Variants in TKTL1 observed in about 807,000 individuals in gnomAD.
TKTL1 encodes transketolase like 1.
A neutral mutation model predicts 39.3 loss-of-function variants in TKTL1; 1 was observed. The observed-to-expected ratio is 0.03, with a 90% CI of 0.01 to 0.12. The LOEUF (loss-of-function observed/expected upper bound fraction) is 0.12, where lower values mean the gene tolerates loss of function less well. TKTL1 is among the 10% of genes least tolerant of loss of function. The probability of loss-of-function intolerance (pLI) is 1.00; values close to 1 mark genes in which losing one functional copy is unlikely to be tolerated. For synonymous variants in TKTL1, 262 were observed against 193.8 expected (o/e 1.35, Z -2.92); for missense variants, 575 against 509.6 (o/e 1.13, Z -1.24).
Position 154,329,761 on chromosome X carries a change from C to T in TKTL1, c.*73C>T. The T allele has an allele frequency of 9.0e-7, 1 of 1,105,400 alleles. No homozygotes were observed. Among genetic ancestry groups the T allele is most frequent in the Non-Finnish European group, 1.2e-6 (1 of 813,949 alleles). 91.1% of individuals were successfully genotyped at this position (1,105,400 alleles called of 1,213,427 possible). On this transcript the variant is annotated 3_prime_UTR_variant, in exon 13 of 13. Coordinates refer to ENST00000369915, the MANE Select transcript of TKTL1 (RefSeq NM_012253.4). Reference sequence around the variant, plus strand: ...TTTGTTCCAAAACCATCATTTAAATCTCTACTGTCACATTTTGTTTCTTAA... The same window carrying T: ...TTTGTTCCAAAACCATCATTTAAATTTCTACTGTCACATTTTGTTTCTTAA...
rs990230187 is a variant in TKTL1 at position 154,300,339 on chromosome X, A to G, written c.134+4346A>G. 5.3e-4 allele frequency among the ~76,000 whole-genome samples: 60 copies of G among 112,524 alleles called. 1 individual carries two copies. Among genetic ancestry groups the G allele is most frequent in the Admixed American group, 5.0e-3 (53 of 10,671 alleles). ...GATGGTGTATTTTGATGGGAATTGC[A>G]TTGAATCTGTAGATTGCTTTGGGCA... On this transcript the variant is annotated intron_variant, in intron 1 of 12. Transcript: ENST00000369915.
At chrX:154,308,060 G>C (rs1247279358) in intron 2 of TKTL1, among the ~76,000 whole-genome samples, 1 of 111,908 alleles carries the variant, frequency 8.9e-6, no homozygotes, top group African/African-American at 3.2e-5. Flanking sequence ...ATCTCTGCTC[G>C]AATGGCGCTG....
chrX:154,329,826 G>T lies in TKTL1; in HGVS notation c.*138G>T. ...AACACCTTCATTCATCCCTAGTTCG[G>T]AAATTCAAGCTAACTACTTACCCTT... On this transcript the variant is annotated 3_prime_UTR_variant, in exon 13 of 13. Coordinates refer to ENST00000369915, the MANE Select transcript of TKTL1 (RefSeq NM_012253.4). The T allele has an allele frequency of 1.5e-6, 1 of 687,378 alleles. No homozygotes were observed. The highest frequency in any genetic ancestry group is 3.5e-5 in the East Asian group (1 of 28,891). 56.6% of individuals were successfully genotyped at this position (687,378 alleles called of 1,213,427 possible). A position where few individuals can be genotyped will look rare whatever the true frequency, so the allele number is the denominator to read the frequency against.
intron 7 of TKTL1, among the ~76,000 whole-genome samples, chrX:154,317,215 C>T (rs1361924718): frequency 2.7e-5 from 3 of 112,260 alleles, no homozygotes; most frequent in Non-Finnish European, 5.6e-5. Flanking sequence ...GATATGTTCT[C>T]ACAGTTGGAA....
At chrX:154,316,450 A>G (rs2067400869) in intron 7 of TKTL1, among the ~76,000 whole-genome samples, 1 of 111,662 alleles carries the variant, frequency 9.0e-6, no homozygotes, top group Non-Finnish European at 1.9e-5. Context: ...CTGCAGTCCC[A>G]GCTACTCGGG....
chrX:154,312,504 G>T, intron 5 of TKTL1, 76 bp from the exon 6 acceptor site: 1 of 1,022,559 alleles, frequency 9.8e-7, no homozygotes, highest in Non-Finnish European at 1.3e-6. Flanking sequence ...TTTCATCGGG[G>T]TCTGTTTTTC....
At chrX:154,325,592 A>G (rs924174098) in intron 10 of TKTL1, among the ~76,000 whole-genome samples, 170 bp downstream of exon 10, 5 of 112,647 alleles carry the variant, frequency 4.4e-5, no homozygotes, top group African/African-American at 1.6e-4. Context: ...GGAACATTCT[A>G]TGAATTTCAG....
chrX:154,315,687 C>A (rs934794046), intron 7 of TKTL1, among the ~76,000 whole-genome samples: 10 of 111,935 alleles, frequency 8.9e-5, no homozygotes, highest in Non-Finnish European at 1.7e-4. Context: ...TCTGCAACCA[C>A]CCAGAGGCAC....
At chrX:154,307,190 C>T (rs781786489) in intron 2 of TKTL1, among the ~76,000 whole-genome samples, 66 of 109,535 alleles carry the variant, frequency 6.0e-4, no homozygotes, top group Admixed American at 5.7e-3. Flanking sequence ...TCACTTGAGC[C>T]TTGGGAGATA....
chrX:154,300,774 G>A (rs983445014), intron 1 of TKTL1, among the ~76,000 whole-genome samples: 1 of 110,999 alleles, frequency 9.0e-6, no homozygotes, highest in Admixed American at 9.6e-5. Flanking sequence ...TCGGCTCGCT[G>A]CAACCTCCAC....
At chrX:154,318,939 A>G (rs1182006163) in intron 7 of TKTL1, among the ~76,000 whole-genome samples, 1 of 111,638 alleles carries the variant, frequency 9.0e-6, no homozygotes, top group African/African-American at 3.3e-5. Flanking sequence ...AAATATGCAT[A>G]TAAATTGATA....
chrX:154,323,905 G>A (rs1024528204), intron 9 of TKTL1, among the ~76,000 whole-genome samples: 9 of 112,489 alleles, frequency 8.0e-5, no homozygotes, highest in African/African-American at 2.3e-4. Flanking sequence ...CTAGCTGCAC[G>A]GGAGACGAGG....
chrX:154,323,474 A>T, intron 9 of TKTL1, 137 bp downstream of exon 9: 1 of 748,513 alleles, frequency 1.3e-6, no homozygotes, highest in African/African-American at 2.1e-5. Context: ...ATTCTTTACA[A>T]AAAAAACAGG....
At chrX:154,320,590 C>T (rs1350039483) in intron 7 of TKTL1, 167 bp from the exon 8 acceptor site, 8 of 517,770 alleles carry the variant, frequency 1.5e-5, no homozygotes, top group East Asian at 3.4e-5. Flanking sequence ...GCAGGAGGGA[C>T]GGACGGGTGC....
chrX:154,315,447 A>G lies in TKTL1; in HGVS notation c.1029+110A>G. On this transcript the variant is annotated intron_variant, in intron 7 of 12. Coordinates refer to ENST00000369915, the MANE Select transcript of TKTL1 (RefSeq NM_012253.4). ...CATTTATGAAAGCAAAAGGACTGGA[A>G]AAAAATTTCCTGGGAAGCAGGAGGC... 3.4e-6 allele frequency: 3 copies of G among 892,941 alleles called. No homozygotes were observed. The South Asian group carries it at 8.6e-5, about 26-fold the overall frequency. The allele number at this position is 892,941 out of a possible 1,213,427, so 73.6% of individuals were successfully genotyped here. A position where few individuals can be genotyped will look rare whatever the true frequency, so the allele number is the denominator to read the frequency against.
intron 2 of TKTL1, among the ~76,000 whole-genome samples, chrX:154,306,957 AAAAT>A (rs1436929024): frequency 2.7e-5 from 3 of 111,223 alleles, no homozygotes; most frequent in South Asian, 3.7e-4. Context: ...AATTGAAAAA[AAAAT>A]AGATATATAA....
chrX:154,324,075 T>A (rs1413784393), intron 9 of TKTL1, among the ~76,000 whole-genome samples: 1 of 112,499 alleles, frequency 8.9e-6, no homozygotes, highest in Non-Finnish European at 1.9e-5. Flanking sequence ...TCTTTGATTT[T>A]TTTTTTTATA....
At chrX:154,322,437 C>G (rs1165377318) in intron 8 of TKTL1, among the ~76,000 whole-genome samples, 2 of 110,719 alleles carry the variant, frequency 1.8e-5, no homozygotes, top group Non-Finnish European at 3.8e-5. Context: ...GAGGCTGAGG[C>G]AGGAGAATTG....
chrX:154,297,071 G>A (rs631), intron 1 of TKTL1, among the ~76,000 whole-genome samples: 28,684 of 110,264 alleles, frequency 0.26, 2,780 homozygotes, highest in South Asian at 0.58. Flanking sequence ...AGGGAGGATC[G>A]CTTGAGCCCA....
Sources: gnomAD v4.1 joint callset for allele counts (sites outside exome capture counted in the v4.1 genomes callset) on GRCh38, gnomAD v4.1.1 for gene constraint, MANE v1.5 for transcripts, NCBI Gene and HGNC (gene_info 2026-07-23, HGNC 2026-07-21) for gene names.